Variants in CTNND2 observed in about 807,000 individuals in gnomAD.
The protein encoded by CTNND2 is catenin delta-2.
CTNND2 carries 22 observed loss-of-function variants against 144.4 expected under a neutral mutation model. The ratio of observed to expected loss-of-function variants is 0.15; its 90% CI spans 0.11 to 0.22. The LOEUF (loss-of-function observed/expected upper bound fraction) is 0.22, where lower values mean the gene tolerates loss of function less well. Ranked by LOEUF, CTNND2 falls within the 10% of genes least tolerant of loss-of-function variation. CTNND2 has a pLI of 1.00. For synonymous variants in CTNND2, 751 were observed against 695.6 expected (o/e 1.08, Z -1.25); for missense variants, 1,353 against 1,618.8 (o/e 0.84, Z 2.82).
chr5:11,746,538 C>T (rs928089765), intron 1 of CTNND2, among the ~76,000 whole-genome samples: 8 of 152,026 alleles, frequency 5.3e-5, no homozygotes, highest in African/African-American at 1.7e-4. Context: ...GACTATGGCC[C>T]CTTTTTCCTT....
At chr5:11,879,354 T>TATATATAC (rs1169270632) in intron 1 of CTNND2, among the ~76,000 whole-genome samples, 1,682 of 139,754 alleles carry the variant, frequency 0.012, 82 homozygotes, top group African/African-American at 0.039. Flanking sequence ...TATATATATA[T>TATATATAC]ATACATATAC....
At chr5:11,755,641 C>CATTT (rs1554115581) in intron 1 of CTNND2, among the ~76,000 whole-genome samples, 1 of 140,208 alleles carries the variant, frequency 7.1e-6, no homozygotes, top group Non-Finnish European at 1.5e-5. Context: ...GTTCATTCTT[C>CATTT]TTTTTTTTTT....
chr5:11,130,007 A>C (rs1043478054), intron 12 of CTNND2, among the ~76,000 whole-genome samples: 10 of 152,074 alleles, frequency 6.6e-5, no homozygotes, highest in East Asian at 1.9e-4. Flanking sequence ...AATAATTCCC[A>C]AAAAAACAAG....
At chr5:11,104,250 G>C (rs576496254) in intron 14 of CTNND2, among the ~76,000 whole-genome samples, 145 of 152,260 alleles carry the variant, frequency 9.5e-4, no homozygotes, top group Non-Finnish European at 1.8e-3. Flanking sequence ...GCAAGATAAA[G>C]GTAGCAGATC....
chr5:11,744,540 G>A (rs566676528), intron 1 of CTNND2, among the ~76,000 whole-genome samples: 1 of 152,186 alleles, frequency 6.6e-6, no homozygotes, highest in South Asian at 2.1e-4. Flanking sequence ...TGTATATAGG[G>A]AGACATGAGG....
intron 10 of CTNND2, 38 bp downstream of exon 10, chr5:11,236,653 T>G: frequency 6.2e-7 from 1 of 1,609,826 alleles, no homozygotes; most frequent in Non-Finnish European, 8.5e-7. Context: ...TGCTTATGAA[T>G]CTGACACCAA....
chr5:11,030,807 A>T (rs1743384589), intron 16 of CTNND2, among the ~76,000 whole-genome samples: 1 of 133,134 alleles, frequency 7.5e-6, no homozygotes, highest in Non-Finnish European at 1.6e-5. Context: ...TGAACTGGTC[A>T]TACTTCCCTG....
intron 3 of CTNND2, among the ~76,000 whole-genome samples, chr5:11,480,455 C>T (rs1381004475): frequency 6.6e-6 from 1 of 152,152 alleles, no homozygotes; most frequent in Admixed American, 6.6e-5. Context: ...TTTCTTCTCC[C>T]ACATGCTGCT....
intron 3 of CTNND2, among the ~76,000 whole-genome samples, chr5:11,541,527 G>C (rs1322140737): frequency 6.6e-6 from 1 of 152,146 alleles, no homozygotes; most frequent in Non-Finnish European, 1.5e-5. Context: ...CTGAAACTTA[G>C]TGAAAAGCCT....
chr5:11,398,013 T>A (rs1010183847), intron 5 of CTNND2, among the ~76,000 whole-genome samples: 1 of 152,206 alleles, frequency 6.6e-6, no homozygotes, highest in Non-Finnish European at 1.5e-5. Context: ...AATACTCTCT[T>A]TAGGGATCAA....
chr5:11,035,007 T>C (rs1213540810), intron 16 of CTNND2, among the ~76,000 whole-genome samples: 1 of 147,592 alleles, frequency 6.8e-6, no homozygotes, highest in Non-Finnish European at 1.5e-5. Flanking sequence ...TATCTCCCAA[T>C]GCTATCCCTC....
At chr5:11,166,747 G>A (rs920295170) in intron 11 of CTNND2, among the ~76,000 whole-genome samples, 15 of 152,096 alleles carry the variant, frequency 9.9e-5, no homozygotes, top group African/African-American at 3.1e-4. Flanking sequence ...TATTGTGTGT[G>A]TGCATCTGCT....
intron 12 of CTNND2, among the ~76,000 whole-genome samples, chr5:11,159,153 T>A (rs1758520935): frequency 6.6e-6 from 1 of 152,154 alleles, no homozygotes; most frequent in Admixed American, 6.5e-5. Context: ...TGAGAATTTT[T>A]AAAAAATGGC....
At position 10,992,678 on chromosome 5, in the gene CTNND2, C is replaced by T. The variant is rs1217562368; in HGVS notation, c.3085-1G>A. On this transcript the variant is annotated splice_acceptor_variant, in intron 18 of 21. Transcript: ENST00000304623. LOFTEE classifies it high-confidence loss of function. ...CAAAGTGGTATTGTGACCATCCATC[C>T]TGCAAAACACAGCACGCTCCTGTTA... The T allele has an allele frequency of 6.2e-7, 1 of 1,613,834 alleles. No homozygotes were observed. The highest frequency in any genetic ancestry group is 8.5e-7 in the Non-Finnish European group (1 of 1,179,894).
intron 8 of CTNND2, among the ~76,000 whole-genome samples, chr5:11,361,418 A>C (rs1756441812): frequency 6.6e-6 from 1 of 152,184 alleles, no homozygotes; most frequent in Non-Finnish European, 1.5e-5. Flanking sequence ...GGCCTCCCAA[A>C]GTGTTGAAAT....
chr5:11,201,796 G>A (rs544002299), intron 10 of CTNND2, among the ~76,000 whole-genome samples: 3 of 152,210 alleles, frequency 2.0e-5, no homozygotes, highest in Non-Finnish European at 4.4e-5. Context: ...GTCAAATAAG[G>A]AAAGAGAAAA....
chr5:11,584,921 G>T (rs923340774), intron 2 of CTNND2, among the ~76,000 whole-genome samples: 1 of 152,114 alleles, frequency 6.6e-6, no homozygotes, highest in African/African-American at 2.4e-5. Flanking sequence ...GAAACATAAA[G>T]AAATACATGA....
At chr5:10,983,664 T>C (rs1204770586) in intron 20 of CTNND2, among the ~76,000 whole-genome samples, 1 of 152,182 alleles carries the variant, frequency 6.6e-6, no homozygotes, top group East Asian at 1.9e-4. Flanking sequence ...CTCTGGACCA[T>C]TGCTACCAAA....
intron 2 of CTNND2, among the ~76,000 whole-genome samples, chr5:11,639,848 G>A (rs1295888597): frequency 6.6e-6 from 1 of 152,182 alleles, no homozygotes; most frequent in Non-Finnish European, 1.5e-5. Flanking sequence ...AGCCTTGAAT[G>A]AATTATTACC....
Sources: allele counts gnomAD v4.1 joint callset (sites outside exome capture counted in the v4.1 genomes callset), GRCh38; gene constraint gnomAD v4.1.1; transcripts MANE v1.5; gene names NCBI Gene and HGNC (gene_info 2026-07-23, HGNC 2026-07-21).